The following LEPR variants were observed in gnomAD, a reference collection of about 807,000 sequenced individuals.
LEPR encodes the protein OB receptor.
Under a neutral mutation model 114.7 loss-of-function variants are expected in LEPR, and 56 were observed. The ratio of observed to expected loss-of-function variants is 0.49; its 90% CI spans 0.39 to 0.61. The LOEUF is 0.61. LEPR is among the 20% of genes least tolerant of loss of function. The probability of loss-of-function intolerance (pLI) is 0.00; values close to 1 mark genes in which losing one functional copy is unlikely to be tolerated. For synonymous variants in LEPR, 443 were observed against 461.4 expected, an observed-to-expected ratio of 0.96 and a Z score of 0.51; for missense variants, 1,202 against 1,352.9, an observed-to-expected ratio of 0.89 and a Z score of 1.75.
intron 2 of LEPR, among the ~76,000 whole-genome samples, chr1:65,467,699 G>C (rs1037380019): frequency 6.6e-6 from 1 of 152,176 alleles, no homozygotes. Context: ...CACCCAGTTC[G>C]TGCTTCTTGG....
chr1:65,576,420 C>G (rs1292655314), intron 5 of LEPR: 1 of 153,336 alleles, frequency 6.5e-6, no homozygotes, highest in Admixed American at 6.6e-5. Context: ...AAGTCTTAAG[C>G]ACTAGTAGGC....
intron 2 of LEPR, among the ~76,000 whole-genome samples, chr1:65,448,509 G>A (rs1302868984): frequency 5.9e-5 from 9 of 152,114 alleles, no homozygotes; most frequent in Non-Finnish European, 1.3e-4. Context: ...GTCTGGTTTT[G>A]GTAATAAGGT....
rs146175032 is a variant in LEPR at position 65,490,717 on chromosome 1, C to T, written c.-21+65339C>T. Among the ~76,000 whole-genome samples, 760 of 152,110 alleles carry T rather than the reference C, an allele frequency of 5.0e-3. 6 individuals carry two copies. Among genetic ancestry groups the T allele is most frequent in the African/African-American group, 0.018 (729 of 41,508 alleles). Reference sequence around the variant, plus strand: ...TTCTTAAGCATTTTACGGAAAATGGCCCATCTTGAGTATTTTTATCCTTGG... The same window carrying T: ...TTCTTAAGCATTTTACGGAAAATGGTCCATCTTGAGTATTTTTATCCTTGG... On this transcript the variant is annotated intron_variant, in intron 2 of 19. Transcript: ENST00000349533.
At chr1:65,452,242 C>T (rs1158231932) in intron 2 of LEPR, among the ~76,000 whole-genome samples, 1 of 152,188 alleles carries the variant, frequency 6.6e-6, no homozygotes, top group African/African-American at 2.4e-5. Context: ...AATTTGACTA[C>T]CTCTTTTCCT....
At chr1:65,598,515 A>G in intron 7 of LEPR, 145 bp from the exon 8 acceptor site, 1 of 1,208,508 alleles carries the variant, frequency 8.3e-7, no homozygotes. Flanking sequence ...TTGGTTATTG[A>G]TGTTTGTTTT....
At chr1:65,603,042 A>G (rs1656549693) in intron 10 of LEPR, among the ~76,000 whole-genome samples, 1 of 152,178 alleles carries the variant, frequency 6.6e-6, no homozygotes, top group Admixed American at 6.5e-5. Context: ...CAGAATAACT[A>G]TGAAACTACA....
intron 2 of LEPR, among the ~76,000 whole-genome samples, chr1:65,552,377 A>T (rs1373180864): frequency 1.3e-5 from 2 of 152,108 alleles, no homozygotes; most frequent in Non-Finnish European, 2.9e-5. Context: ...TTGCTTTATG[A>T]GTCTGGGTGC....
At chr1:65,545,605 CT>C (rs1651636903) in intron 2 of LEPR, among the ~76,000 whole-genome samples, 1 of 152,246 alleles carries the variant, frequency 6.6e-6, no homozygotes, top group African/African-American at 2.4e-5. Context: ...TAAATGTCTT[CT>C]TTTGAGAAGT....
chr1:65,514,595 T>C (rs952322598), intron 2 of LEPR, among the ~76,000 whole-genome samples: 25 of 152,366 alleles, frequency 1.6e-4, no homozygotes, highest in African/African-American at 5.5e-4. Context: ...TCATTTTTTC[T>C]TATGCATATA....
At chr1:65,583,412 T>C (rs181498739) in intron 5 of LEPR, among the ~76,000 whole-genome samples, 6 of 152,300 alleles carry the variant, frequency 3.9e-5, no homozygotes, top group Admixed American at 2.0e-4. Flanking sequence ...ACAGAATTCA[T>C]AGAGGTCTGG....
At chr1:65,555,414 A>C (rs1557660120) in intron 2 of LEPR, among the ~76,000 whole-genome samples, 1 of 152,206 alleles carries the variant, frequency 6.6e-6, no homozygotes, top group Non-Finnish European at 1.5e-5. Flanking sequence ...GGTGACTTGA[A>C]AGAGCTGTGG....
intron 2 of LEPR, among the ~76,000 whole-genome samples, chr1:65,497,736 T>C (rs1648238239): frequency 6.6e-6 from 1 of 152,160 alleles, no homozygotes; most frequent in Non-Finnish European, 1.5e-5. Flanking sequence ...GTATTTGCTC[T>C]TCTCTCAGGC....
At chr1:65,421,235 A>C (rs1646243671) in intron 1 of LEPR, 2 of 1,345,890 alleles carry the variant, frequency 1.5e-6, no homozygotes, top group Admixed American at 2.9e-5. Context: ...AATGGAAAGC[A>C]CCCAGAAAGA....
At chr1:65,539,126 T>A (rs1281711543) in intron 2 of LEPR, among the ~76,000 whole-genome samples, 10 of 13,258 alleles carry the variant, frequency 7.5e-4, no homozygotes, top group South Asian at 0.011. Context: ...CCATTGAAAT[T>A]TTTTTTTTGT....
intron 2 of LEPR, among the ~76,000 whole-genome samples, chr1:65,443,955 T>TAAAGTTTGGACAGTGAAAC (rs1467585810): frequency 2.9e-4 from 27 of 92,162 alleles, no homozygotes; most frequent in South Asian, 1.2e-3. Flanking sequence ...CTGATACTTT[T>TAAAGTTTGGACAGTGAAAC]TTTTTTTTTT....
At chr1:65,453,961 T>A (rs1419093399) in intron 2 of LEPR, among the ~76,000 whole-genome samples, 1 of 151,630 alleles carries the variant, frequency 6.6e-6, no homozygotes, top group African/African-American at 2.4e-5. Context: ...TGAATCTGGG[T>A]GCTCCTGTAT....
At position 65,572,313 on chromosome 1, in the gene LEPR, T is replaced by G. The variant is rs1654255279; in HGVS notation, c.371-13T>G. On this transcript the variant is annotated splice_polypyrimidine_tract_variant and intron_variant, in intron 4 of 19. Coordinates refer to ENST00000349533, the MANE Select transcript of LEPR (RefSeq NM_002303.6). ...TTGTTTTTTTTTTTTTTTTTTTTTT[T>G]TTTTAAATTCAGATGCAAACTGGAA... The G allele has an allele frequency of 4.1e-6, 6 of 1,468,760 alleles. No individual in the cohort carries two copies. The highest frequency in any genetic ancestry group is 5.4e-6 in the Non-Finnish European group (6 of 1,112,536). 91.0% of individuals were successfully genotyped at this position (1,468,760 alleles called of 1,614,324 possible). A position where few individuals can be genotyped will look rare whatever the true frequency, so the allele number is the denominator to read the frequency against.
intron 3 of LEPR, among the ~76,000 whole-genome samples, chr1:65,569,707 TAA>T (rs199787348): frequency 0.023 from 2,089 of 92,258 alleles, 16 homozygotes; most frequent in African/African-American, 0.033. Flanking sequence ...AATTCCATCT[TAA>T]AAAAAAAAAA....
chr1:65,620,063 T>C, intron 17 of LEPR, 40 bp downstream of exon 17: 1 of 1,466,444 alleles, frequency 6.8e-7, no homozygotes, highest in African/African-American at 1.4e-5. Flanking sequence ...CACCAATGTG[T>C]GTGCCTAATT....
Sources: allele counts gnomAD v4.1 joint callset (sites outside exome capture counted in the v4.1 genomes callset), GRCh38; gene constraint gnomAD v4.1.1; transcripts MANE v1.5; gene names NCBI Gene and HGNC (gene_info 2026-07-23, HGNC 2026-07-21).